The following TYR variants were observed in gnomAD, a reference collection of about 807,000 sequenced individuals.
The protein encoded by TYR is LB24-AB.
TYR carries 58 observed loss-of-function variants against 51.5 expected under a neutral mutation model. The ratio of observed to expected loss-of-function variants is 1.13; its 90% CI spans 0.91 to 1.40. The LOEUF is 1.40. Among genes scored for constraint, TYR ranks in the 40% most tolerant of loss-of-function variants. The pLI, the probability that TYR is intolerant of heterozygous loss-of-function variation, is 0.00. For synonymous variants in TYR, 263 were observed against 235.2 expected (o/e 1.12, Z -1.08); for missense variants, 732 against 647.4 (o/e 1.13, Z -1.42).
intron 2 of TYR, among the ~76,000 whole-genome samples, chr11:89,207,833 C>T (rs1943692315): frequency 6.6e-6 from 1 of 152,132 alleles, no homozygotes; most frequent in Admixed American, 6.6e-5. Context: ...CCTTTCAATA[C>T]CAATATCCTA....
Position 89,225,015 on chromosome 11 carries a change from C to A in TYR, c.1037-2808C>A, listed in dbSNP as rs1591166549. 2.0e-5 allele frequency among the ~76,000 whole-genome samples: 3 copies of A among 151,610 alleles called. 1 individual carries two copies. Among genetic ancestry groups the A allele is most frequent in the South Asian group, 4.2e-4 (2 of 4,814 alleles). ...ATAAGTAAAATTTAAATAAAAATTT[C>A]TTTACCCTTATCTAGTTATTTATGG... On this transcript the variant is annotated intron_variant, in intron 2 of 4. Coordinates refer to ENST00000263321, the MANE Select transcript of TYR (RefSeq NM_000372.5).
intron 1 of TYR, among the ~76,000 whole-genome samples, chr11:89,189,530 T>A (rs931522737): frequency 3.3e-5 from 5 of 152,068 alleles, no homozygotes; most frequent in Non-Finnish European, 7.4e-5. Flanking sequence ...ACATTCTGAA[T>A]ATAATATAGA....
At chr11:89,265,321 C>G (rs181104174) in intron 3 of TYR, among the ~76,000 whole-genome samples, 15 of 152,104 alleles carry the variant, frequency 9.9e-5, no homozygotes, top group South Asian at 8.3e-4. Flanking sequence ...CTTTGTCAGA[C>G]GGGCCCAAAG....
intron 3 of TYR, among the ~76,000 whole-genome samples, chr11:89,238,001 A>C (rs1413012395): frequency 6.6e-6 from 1 of 151,698 alleles, no homozygotes; most frequent in Non-Finnish European, 1.5e-5. Flanking sequence ...ATATCTGGCT[A>C]ATTTTTGTAT....
chr11:89,251,140 T>C (rs772235256), intron 3 of TYR, among the ~76,000 whole-genome samples: 23 of 151,914 alleles, frequency 1.5e-4, no homozygotes, highest in Non-Finnish European at 2.2e-4. Context: ...ATAAAACATA[T>C]GGGTTTAATT....
At chr11:89,234,893 A>T (rs553271018) in intron 3 of TYR, among the ~76,000 whole-genome samples, 1 of 146,034 alleles carries the variant, frequency 6.8e-6, no homozygotes, top group East Asian at 1.9e-4. Flanking sequence ...AAGTGAACAC[A>T]TGTTGGAAAA....
intron 2 of TYR, among the ~76,000 whole-genome samples, chr11:89,199,479 G>A (rs1027461507): frequency 2.0e-5 from 3 of 152,182 alleles, no homozygotes; most frequent in Non-Finnish European, 4.4e-5. Context: ...AGATTCACTG[G>A]AAAGAGAGAA....
At chr11:89,191,961 T>C in intron 2 of TYR, 1 of 429,502 alleles carries the variant, frequency 2.3e-6, no homozygotes, top group Non-Finnish European at 4.6e-6. Context: ...TGTGGACTGA[T>C]ACTATTTTCC....
chr11:89,280,352 C>T (rs1449275545), intron 3 of TYR, among the ~76,000 whole-genome samples: 1 of 151,408 alleles, frequency 6.6e-6, no homozygotes, highest in Non-Finnish European at 1.5e-5. Context: ...TATTCTTTCT[C>T]TTTACATTTC....
chr11:89,202,622 T>TACACACACACACACACAC (rs10526067), intron 2 of TYR, among the ~76,000 whole-genome samples: 21,571 of 140,938 alleles, frequency 0.15, 2,053 homozygotes, highest in South Asian at 0.37. Flanking sequence ...ATTTTCATAA[T>TACACACACACACACACAC]ACACACACAC....
At chr11:89,270,032 A>T (rs1200515180) in intron 3 of TYR, among the ~76,000 whole-genome samples, 1 of 151,908 alleles carries the variant, frequency 6.6e-6, no homozygotes, top group Non-Finnish European at 1.5e-5. Flanking sequence ...CGATTATGTC[A>T]CTGCATGGCT....
intron 1 of TYR, among the ~76,000 whole-genome samples, chr11:89,188,292 T>A (rs1757781017): frequency 6.6e-6 from 1 of 151,992 alleles, no homozygotes; most frequent in Admixed American, 6.6e-5. Context: ...AAAAACTATG[T>A]TTATCGTGTT....
At chr11:89,227,028 C>T (rs184829570) in intron 2 of TYR, among the ~76,000 whole-genome samples, 232 of 152,162 alleles carry the variant, frequency 1.5e-3, no homozygotes, top group South Asian at 2.3e-3. Flanking sequence ...CTAATTGATA[C>T]GGATTAAAAT....
At chr11:89,285,844 G>A (rs1273794700) in intron 4 of TYR, among the ~76,000 whole-genome samples, 1 of 151,792 alleles carries the variant, frequency 6.6e-6, no homozygotes, top group South Asian at 2.1e-4. Flanking sequence ...CCTAACGCAT[G>A]AGGGTTAATT....
chr11:89,282,570 TAACA>T (rs1794193687), intron 3 of TYR, among the ~76,000 whole-genome samples: 1 of 151,796 alleles, frequency 6.6e-6, no homozygotes, highest in Non-Finnish European at 1.5e-5. Context: ...CTATTTTACA[TAACA>T]AACAAGTACT....
intron 1 of TYR, among the ~76,000 whole-genome samples, chr11:89,186,184 T>C (rs114150338): frequency 0.017 from 2,514 of 152,254 alleles, 60 homozygotes; most frequent in African/African-American, 0.056. Flanking sequence ...TGTGAGCACA[T>C]GGAGAATGGT....
At chr11:89,260,780 A>G (rs1331665454) in intron 3 of TYR, among the ~76,000 whole-genome samples, 1 of 152,162 alleles carries the variant, frequency 6.6e-6, no homozygotes, top group Admixed American at 6.6e-5. Flanking sequence ...GTGGGACAAT[A>G]ACAGCATAAA....
chr11:89,197,840 C>A (rs139884020), intron 2 of TYR, among the ~76,000 whole-genome samples: 1 of 151,984 alleles, frequency 6.6e-6, no homozygotes, highest in African/African-American at 2.4e-5. Flanking sequence ...GTAAGCTATA[C>A]GTCATTTTAA....
rs1449377122 is a variant in TYR, at chr11:89,220,343, G to C, written c.1037-7480G>C. On this transcript the variant is annotated intron_variant, in intron 2 of 4. Coordinates refer to ENST00000263321, the MANE Select transcript of TYR (RefSeq NM_000372.5). ...ACTTTTAAATCATCAGATCTTGCGA[G>C]AACTCACTCACTATTGTGAGAACAG... is the stretch of plus-strand genomic sequence containing the variant. 2.6e-5 allele frequency among the ~76,000 whole-genome samples: 4 copies of C among 152,112 alleles called. 1 individual carries two copies. The highest frequency in any genetic ancestry group is 2.0e-4 in the Admixed American group (3 of 15,262).
Sources: gnomAD v4.1 joint callset for allele counts (sites outside exome capture counted in the v4.1 genomes callset) on GRCh38, gnomAD v4.1.1 for gene constraint, MANE v1.5 for transcripts, NCBI Gene and HGNC (gene_info 2026-07-23, HGNC 2026-07-21) for gene names.